AKAP9: variants seen among roughly 807,000 people sequenced by gnomAD.
AKAP9 encodes the protein A-kinase anchor protein 9.
Under a neutral mutation model 488.5 loss-of-function variants are expected in AKAP9, and 311 were observed. The ratio of observed to expected loss-of-function variants is 0.64; its 90% CI spans 0.58 to 0.70. AKAP9 has a LOEUF of 0.70. AKAP9 is among the 30% of genes least tolerant of loss of function. The pLI, the probability that AKAP9 is intolerant of heterozygous loss-of-function variation, is 0.00. For missense variants in AKAP9, 4,215 were observed against 4,374.5 expected, an observed-to-expected ratio of 0.96 and a Z score of 1.03; for synonymous variants, 1,462 against 1,483.5, an observed-to-expected ratio of 0.99 and a Z score of 0.33.
chr7:92,043,306 A>G, intron 20 of AKAP9: 1 of 984,764 alleles, frequency 1.0e-6, no homozygotes, highest in Non-Finnish European at 1.2e-6. Flanking sequence ...TTTGGCCCCT[A>G]AGATTTTGGC....
chr7:92,068,777 A>G (rs530464205), intron 26 of AKAP9, among the ~76,000 whole-genome samples: 1 of 151,172 alleles, frequency 6.6e-6, no homozygotes, highest in Non-Finnish European at 1.5e-5. Context: ...CTTTATTGCT[A>G]TCATCCTTGA....
chr7:92,008,125 T>G (rs953252940), intron 8 of AKAP9, among the ~76,000 whole-genome samples: 2 of 152,146 alleles, frequency 1.3e-5, no homozygotes, highest in African/African-American at 2.4e-5. Context: ...ATCCCAGCAC[T>G]TTGGGAGGCC....
chr7:92,086,495 A>G, intron 37 of AKAP9, 79 bp downstream of exon 37: 1 of 1,213,510 alleles, frequency 8.2e-7, no homozygotes, highest in East Asian at 2.3e-5. Context: ...TAATTTAAGT[A>G]TGAAGGTTAA....
Position 91,994,652 on chromosome 7 carries a change from G to A in AKAP9, c.608G>A (p.Arg203Lys). 6.2e-7 allele frequency: 1 copy of A among 1,613,064 alleles called. No homozygotes were observed. Among genetic ancestry groups the A allele is most frequent in the Non-Finnish European group, 8.5e-7 (1 of 1,179,564 alleles). ...LQEFEAAIKQ[R>K]DGIITQLTAN... ...GAATTTGAAGCTGCCATTAAACAAA[G>A]AGATGGCATTATAACCCAGCTCACT... Residue 203 changes from arginine to lysine, a missense_variant, in exon 6 of 50, where the codon AGA (arginine) becomes AAA (lysine). Coordinates refer to ENST00000356239, the MANE Select transcript of AKAP9 (RefSeq NM_005751.5).
chr7:92,068,163 A>G (rs2130836685), intron 26 of AKAP9, among the ~76,000 whole-genome samples: 1 of 151,900 alleles, frequency 6.6e-6, no homozygotes, highest in East Asian at 1.9e-4. Flanking sequence ...GATCGTGACC[A>G]TCCTGGCTAA....
chr7:92,050,254 TTTTTTGTA>T (rs1483600169), intron 21 of AKAP9, among the ~76,000 whole-genome samples: 5 of 151,830 alleles, frequency 3.3e-5, no homozygotes, highest in African/African-American at 1.2e-4. Flanking sequence ...TGTAATTTTT[TTTTTTGTA>T]TTTTTGTATT....
chr7:91,974,603 A>T (rs1795439854), intron 2 of AKAP9, among the ~76,000 whole-genome samples: 1 of 151,934 alleles, frequency 6.6e-6, no homozygotes, highest in African/African-American at 2.4e-5. Context: ...TTTCCGTATC[A>T]ATTTTAGGGT....
intron 12 of AKAP9, among the ~76,000 whole-genome samples, chr7:92,018,395 AACACACACACACACACACACAC>A (rs56394853): frequency 8.3e-6 from 1 of 120,610 alleles, no homozygotes; most frequent in Non-Finnish European, 1.7e-5. Flanking sequence ...CTAAAAATAT[AACACACACACACACACACACAC>A]ACACACACAC....
intron 1 of AKAP9, among the ~76,000 whole-genome samples, chr7:91,951,717 G>GA (rs933969428): frequency 2.3e-4 from 35 of 152,204 alleles, no homozygotes; most frequent in African/African-American, 8.4e-4. Context: ...CATCTTGATT[G>GA]AAAGATCCTT....
intron 14 of AKAP9, among the ~76,000 whole-genome samples, chr7:92,025,580 A>AC (rs1022431649): frequency 1.3e-5 from 2 of 152,228 alleles, no homozygotes; most frequent in Admixed American, 1.3e-4. Flanking sequence ...CATTCTTTTA[A>AC]CAAATATTTG....
At chr7:92,099,971 C>A (rs1817248382) in intron 44 of AKAP9, 102 bp downstream of exon 44, 2 of 1,122,050 alleles carry the variant, frequency 1.8e-6, no homozygotes, top group Non-Finnish European at 2.7e-6. Context: ...AACTATCACA[C>A]ACCTGATTCT....
chr7:92,078,748 G>A (rs1037909533), intron 30 of AKAP9, among the ~76,000 whole-genome samples: 78 of 152,014 alleles, frequency 5.1e-4, no homozygotes, highest in African/African-American at 1.7e-3. Context: ...TATGAGTTAA[G>A]TAAGGTAATT....
Position 92,065,496 on chromosome 7 carries a change from T to G in AKAP9, c.6210+33T>G, listed in dbSNP as rs572106584. 3 of 1,461,414 alleles carry G rather than the reference T, an allele frequency of 2.1e-6. No individual in the cohort carries two copies. The East Asian group carries it at 6.9e-5, about 34-fold the overall frequency. The allele number at this position is 1,461,414 out of a possible 1,614,324, so 90.5% of individuals were successfully genotyped here. On this transcript the variant is annotated intron_variant, in intron 25 of 49. Coordinates refer to ENST00000356239, the MANE Select transcript of AKAP9 (RefSeq NM_005751.5). ...TTCTCAAGTTGAATACTGATTTTTC[T>G]CAGTGGAATGTTCTTTGCTAGTATA...
At position 92,108,554 on chromosome 7, in the gene AKAP9, T is replaced by A. The variant is rs749666093; in HGVS notation, c.11607T>A (p.Asn3869Lys). ...CTTTAGCATGTTCTCAGCTTCAGAA[T>A]TACGATCCTGACAGAGCCCTAACAG... Reference protein sequence around the residue: ...PGSLACSQLQNYDPDRALTDY... With the variant: ...PGSLACSQLQKYDPDRALTDY... Residue 3869 changes from asparagine (N) to lysine (K), a missense_variant, in exon 49 of 50, where the codon AAT (asparagine) becomes AAA (lysine). Physicochemically the swap from Asn to Lys is moderately conservative, Grantham distance 94 (BLOSUM62 0). Transcript: ENST00000356239. 1 of 1,614,190 alleles carries A rather than the reference T, an allele frequency of 6.2e-7. No individual in the cohort carries two copies. Among genetic ancestry groups the A allele is most frequent in the Admixed American group, 1.7e-5 (1 of 60,016 alleles).
At chr7:91,970,428 C>T (rs1562913215) in intron 1 of AKAP9, 1 of 453,538 alleles carries the variant, frequency 2.2e-6, no homozygotes, top group Non-Finnish European at 4.4e-6. Context: ...GGGTTGTATA[C>T]CTTTACATGT....
At chr7:92,051,229 T>G (rs868407704) in intron 21 of AKAP9, among the ~76,000 whole-genome samples, 1 of 152,158 alleles carries the variant, frequency 6.6e-6, no homozygotes, top group Non-Finnish European at 1.5e-5. Context: ...AAGCCTAGAG[T>G]TCCCATCGTA....
At chr7:92,030,641 A>G (rs1288078111) in intron 15 of AKAP9, among the ~76,000 whole-genome samples, 5 of 119,156 alleles carry the variant, frequency 4.2e-5, no homozygotes, top group Admixed American at 3.1e-4. Context: ...GACTGTCGCC[A>G]AAAAAAAAAA....
Position 92,097,115 on chromosome 7 carries a change from G to A in AKAP9, c.10156G>A (p.Val3386Ile). ...TRQQMEKDRQ[V>I]HRKTLQTEQE... Reference sequence around the variant, plus strand: ...ACAGCAAATGGAAAAAGATAGGCAGGTTCACAGGAAAACACTGCAGACAGA... The same window carrying A: ...ACAGCAAATGGAAAAAGATAGGCAGATTCACAGGAAAACACTGCAGACAGA... The change falls in exon 41 of 50, where the codon GTT becomes ATT. Residue 3386 changes from valine to isoleucine, a missense_variant. Val to Ile is a conservative substitution (Grantham distance 29). Transcript: ENST00000356239. 1 of 1,614,220 alleles carries A rather than the reference G, an allele frequency of 6.2e-7. No homozygotes were observed. Among genetic ancestry groups the A allele is most frequent in the African/African-American group, 1.3e-5 (1 of 75,066 alleles).
chr7:91,952,268 T>C (rs58835578), intron 1 of AKAP9, among the ~76,000 whole-genome samples: 5,249 of 152,286 alleles, frequency 0.034, 264 homozygotes, highest in African/African-American at 0.11. Flanking sequence ...GGGAGCTATT[T>C]ATTTACTCAT....
Sources: gnomAD v4.1 joint callset for allele counts (sites outside exome capture counted in the v4.1 genomes callset) on GRCh38, gnomAD v4.1.1 for gene constraint, MANE v1.5 for transcripts, NCBI Gene and HGNC (gene_info 2026-07-23, HGNC 2026-07-21) for gene names.